PLCE1: variants seen among roughly 807,000 people sequenced by gnomAD.
PLCE1 encodes the protein 1-phosphatidylinositol 4,5-bisphosphate phosphodiesterase epsilon-1.
A neutral mutation model predicts 242.8 loss-of-function variants in PLCE1; 119 were observed. That is an observed-to-expected ratio of 0.49 (90% CI 0.42 to 0.57). The LOEUF (loss-of-function observed/expected upper bound fraction) is 0.57, where lower values mean the gene tolerates loss of function less well. Ranked by LOEUF, PLCE1 falls within the 20% of genes least tolerant of loss-of-function variation. PLCE1 has a pLI of 0.00. For synonymous variants in PLCE1, 945 were observed against 1,017.4 expected (o/e 0.93, Z 1.35); for missense variants, 2,441 against 2,788.8 (o/e 0.88, Z 2.81).
At chr10:94,258,655 A>G (rs2051186944) in intron 11 of PLCE1, 145 bp from the exon 12 acceptor site, 3 of 888,304 alleles carry the variant, frequency 3.4e-6, no homozygotes, top group Non-Finnish European at 5.5e-6. Flanking sequence ...AAGAGATGTG[A>G]AAAGAGAGTA....
intron 2 of PLCE1, among the ~76,000 whole-genome samples, chr10:94,033,023 A>C (rs1220525934): frequency 3.3e-5 from 5 of 152,108 alleles, no homozygotes; most frequent in Admixed American, 6.6e-5. Flanking sequence ...AATCTAATAC[A>C]CTGTAACACT....
chr10:94,248,110 C>T (rs1028670585), intron 8 of PLCE1, among the ~76,000 whole-genome samples: 13 of 151,984 alleles, frequency 8.6e-5, no homozygotes, highest in African/African-American at 1.9e-4. Context: ...AAACATTTCT[C>T]GCCCCAGGAA....
intron 22 of PLCE1, among the ~76,000 whole-genome samples, chr10:94,286,624 G>C (rs1227137462): frequency 6.6e-6 from 1 of 152,082 alleles, no homozygotes; most frequent in East Asian, 1.9e-4. Flanking sequence ...CCTATAAGCT[G>C]TTTTTAAACT....
In PLCE1 at chr10:94,032,092, G is replaced by A. The variant is rs2061569275; in HGVS notation, c.1046G>A (p.Arg349Lys). The A allele has an allele frequency of 1.9e-6, 3 of 1,611,494 alleles. No individual in the cohort carries two copies. The highest frequency in any genetic ancestry group is 1.7e-5 in the Admixed American group (1 of 59,586). ...SVYTGTRAIV[R>K]TLPSGHIGLT... ...TATACTGGAACAAGAGCAATTGTGA[G>A]AACTCTGCCTTCTGGCCACATTGGG... is the stretch of plus-strand genomic sequence containing the variant. The change falls in exon 2 of 33, where the codon AGA becomes AAA. Residue 349 changes from arginine (R) to lysine (K), a missense_variant. By Grantham distance (26) the Arg-to-Lys change is conservative. Around this residue, in one of 5 missense-constraint regions of PLCE1, gnomAD observed 733 missense variants for 754.2 expected, o/e 0.97. Coordinates refer to ENST00000371380, the MANE Select transcript of PLCE1 (RefSeq NM_016341.4).
intron 5 of PLCE1, among the ~76,000 whole-genome samples, chr10:94,228,127 G>C: frequency 6.6e-6 from 1 of 152,200 alleles, no homozygotes; most frequent in Non-Finnish European, 1.5e-5. Flanking sequence ...TGACCACTAT[G>C]ATATCCTGTT....
Position 94,308,678 on chromosome 10 carries a change from C to CAAT in PLCE1, c.5984_5986dup (p.Asn1995dup). The CAAT allele has an allele frequency of 6.3e-7, 1 of 1,599,226 alleles. No homozygotes were observed. The highest frequency in any genetic ancestry group is 1.3e-5 in the African/African-American group (1 of 74,788). ...GAAGGATGGAAGAAAATTCCTCTGG[C>CAAT]AATACCATGTCAGCCTCTTCGGTAA... On this transcript the variant is annotated inframe_insertion, in exon 27 of 33. Transcript: ENST00000371380.
intron 2 of PLCE1, among the ~76,000 whole-genome samples, chr10:94,055,794 C>T (rs541604210): frequency 3.9e-5 from 6 of 152,292 alleles, no homozygotes; most frequent in Non-Finnish European, 5.9e-5. Context: ...CAGGGCCCAA[C>T]GTAATGAGTA....
At chr10:94,283,609 CT>C (rs943597009) in intron 20 of PLCE1, 180 bp from the exon 21 acceptor site, 1 of 549,732 alleles carries the variant, frequency 1.8e-6, no homozygotes, top group African/African-American at 1.9e-5. Context: ...TTGAAAATAA[CT>C]GCATCAACCC....
intron 11 of PLCE1, among the ~76,000 whole-genome samples, chr10:94,256,338 A>G (rs865982964): frequency 7.1e-4 from 100 of 140,464 alleles, no homozygotes; most frequent in Non-Finnish European, 1.0e-3. Flanking sequence ...AAAAAAAAAA[A>G]AAAGAAAGAA....
In PLCE1 at chr10:94,306,689, G is replaced by A. The variant is rs754958527; in HGVS notation, c.5884+1G>A. On this transcript the variant is annotated splice_donor_variant, in intron 26 of 32. Transcript: ENST00000371380. LOFTEE classifies it high-confidence loss of function. This position sits in a 1 kb window ranked among gnomAD's most constrained non-coding sequence, Gnocchi z 5.7. The stretch of plus-strand genomic sequence containing the variant: ...ATTCCACTGAAAGCTTTAAAACGAG[G>A]TAGAATAAAATTGTCCAAATGTTAA... The A allele has an allele frequency of 6.2e-7, 1 of 1,611,846 alleles. No homozygotes were observed. The highest frequency in any genetic ancestry group is 8.5e-7 in the Non-Finnish European group (1 of 1,178,388).
intron 1 of PLCE1, among the ~76,000 whole-genome samples, chr10:94,016,246 T>C (rs1373952436): frequency 6.6e-6 from 1 of 151,986 alleles, no homozygotes; most frequent in African/African-American, 2.4e-5. Flanking sequence ...TATATTATTA[T>C]ATTTAGACAA....
At chr10:94,074,466 T>C (rs1403546979) in intron 2 of PLCE1, among the ~76,000 whole-genome samples, 1 of 152,136 alleles carries the variant, frequency 6.6e-6, no homozygotes, top group East Asian at 1.9e-4. Flanking sequence ...GGTTGGACCA[T>C]AGGTGTGAGC....
Position 94,324,893 on chromosome 10 carries a change from C to T in PLCE1, c.6722C>T (p.Ala2241Val). The T allele has an allele frequency of 6.2e-7, 1 of 1,613,970 alleles. No individual in the cohort carries two copies. Among genetic ancestry groups the T allele is most frequent in the Non-Finnish European group, 8.5e-7 (1 of 1,179,882 alleles). ...FILKLKEQVQ[A>V]SREDKKKGIS... ...ATGGAAGGTTCTTTGTTCCCACAGG[C>T]ATCTCGAGAAGATAAAAAGAAAGGC... Residue 2241 changes from alanine to valine, a missense_variant and splice_region_variant, in exon 32 of 33, where the codon GCA becomes GTA. Ala to Val is a moderately conservative substitution (Grantham distance 64). Around this residue, in one of 5 missense-constraint regions of PLCE1, gnomAD observed 310 missense variants for 317.2 expected, o/e 0.98. Coordinates refer to ENST00000371380, the MANE Select transcript of PLCE1 (RefSeq NM_016341.4).
intron 2 of PLCE1, among the ~76,000 whole-genome samples, chr10:94,062,511 C>T (rs1282546198): frequency 1.3e-5 from 2 of 150,936 alleles, no homozygotes; most frequent in Non-Finnish European, 2.9e-5. Context: ...TTGCAGAGCA[C>T]TTCATAATTC....
At chr10:94,070,351 G>T (rs527576339) in intron 2 of PLCE1, among the ~76,000 whole-genome samples, 14 of 152,122 alleles carry the variant, frequency 9.2e-5, no homozygotes, top group Non-Finnish European at 1.5e-4. Flanking sequence ...ACAAGTAAAT[G>T]TTCAGCATAT....
At chr10:94,098,812 C>G (rs1428259169) in intron 2 of PLCE1, among the ~76,000 whole-genome samples, 1 of 152,206 alleles carries the variant, frequency 6.6e-6, no homozygotes, top group Non-Finnish European at 1.5e-5. Flanking sequence ...TTAGGTAATT[C>G]TGCAATGACC....
chr10:94,004,200 A>C (rs939114725), intron 1 of PLCE1, among the ~76,000 whole-genome samples: 2 of 152,194 alleles, frequency 1.3e-5, no homozygotes, highest in African/African-American at 4.8e-5. Flanking sequence ...GTTCCTCCCA[A>C]GACAGGCAGA....
intron 4 of PLCE1, among the ~76,000 whole-genome samples, chr10:94,185,060 G>T (rs965119609): frequency 6.6e-6 from 1 of 152,180 alleles, no homozygotes; most frequent in African/African-American, 2.4e-5. Flanking sequence ...TTACAATCTA[G>T]TTCAAGGCAT....
intron 8 of PLCE1, among the ~76,000 whole-genome samples, chr10:94,251,874 C>T (rs2050888181): frequency 6.6e-6 from 1 of 152,144 alleles, no homozygotes; most frequent in African/African-American, 2.4e-5. Flanking sequence ...CCGACTGTCC[C>T]AAGCATCAAA....
Sources: gnomAD v4.1 joint callset for allele counts (sites outside exome capture counted in the v4.1 genomes callset) on GRCh38, gnomAD v4.1.1 for gene constraint, gnomAD v4.1.1 regional missense constraint, Gnocchi (gnomAD v3.1) non-coding constraint, MANE v1.5 for transcripts, NCBI Gene and HGNC (gene_info 2026-07-23, HGNC 2026-07-21) for gene names.